Variants in TENM2 observed in about 807,000 individuals in gnomAD.
TENM2 encodes the protein teneurin-2.
Under a neutral mutation model 245.2 loss-of-function variants are expected in TENM2, and 52 were observed. The observed-to-expected ratio is 0.21, with a 90% CI of 0.17 to 0.27. TENM2 has a LOEUF of 0.27. Ranked by LOEUF, TENM2 falls within the 10% of genes least tolerant of loss-of-function variation. The pLI, the probability that TENM2 is intolerant of heterozygous loss-of-function variation, is 1.00. For missense variants in TENM2, 3,046 were observed against 3,666.8 expected (o/e 0.83, Z 4.37); for synonymous variants, 1,363 against 1,438.9 (o/e 0.95, Z 1.19).
the TENM2 span, among the ~76,000 whole-genome samples, chr5:167,210,820 C>T: frequency 2.6e-5 from 4 of 152,166 alleles, no homozygotes; most frequent in African/African-American, 9.7e-5. Flanking sequence ...TTTAAGCATA[C>T]AGTTCACACT....
chr5:167,734,490 T>G (rs1450680373), intron 2 of TENM2, among the ~76,000 whole-genome samples: 1 of 148,422 alleles, frequency 6.7e-6, no homozygotes, highest in African/African-American at 2.4e-5. Flanking sequence ...ATATGCAATA[T>G]ATTATATATA....
intron 2 of TENM2, among the ~76,000 whole-genome samples, chr5:167,797,430 T>C (rs966519879): frequency 3.9e-5 from 6 of 152,200 alleles, no homozygotes; most frequent in Non-Finnish European, 7.3e-5. Flanking sequence ...GGGAACTTCT[T>C]GTTTAGAAAT....
rs78905323 is a variant in TENM2, at chr5:167,638,921, A to T, written c.503-237065A>T. On this transcript the variant is annotated intron_variant, in intron 2 of 28. Transcript: ENST00000518659. ...AATACTCCTTGCTCACATCACTGGCACTGGGCTAACACTTGTCTCTCAGAA... is the reference window on the plus strand; with the variant it reads ...AATACTCCTTGCTCACATCACTGGCTCTGGGCTAACACTTGTCTCTCAGAA... 2.9e-3 allele frequency among the ~76,000 whole-genome samples: 447 copies of T among 152,356 alleles called. 3 individuals carry two copies. Among genetic ancestry groups the T allele is most frequent in the African/African-American group, 0.01 (421 of 41,584 alleles).
intron 2 of TENM2, among the ~76,000 whole-genome samples, chr5:167,388,572 T>G (rs1181387303): frequency 6.6e-6 from 1 of 152,082 alleles, no homozygotes. Context: ...TTTGTTTCTC[T>G]AGTTCCTTGA....
the TENM2 span, among the ~76,000 whole-genome samples, chr5:167,049,233 C>A: frequency 6.6e-6 from 1 of 152,164 alleles, no homozygotes; most frequent in Non-Finnish European, 1.5e-5. Flanking sequence ...CTACACAGAT[C>A]CATAGAAACA....
the TENM2 span, among the ~76,000 whole-genome samples, chr5:167,257,490 TAAG>T: frequency 6.6e-6 from 1 of 151,864 alleles, no homozygotes; most frequent in African/African-American, 2.4e-5. Context: ...ACAAGAATGA[TAAG>T]AATAAATCAT....
intron 4 of TENM2, among the ~76,000 whole-genome samples, chr5:167,972,141 C>T (rs896396410): frequency 5.3e-5 from 8 of 152,186 alleles, no homozygotes; most frequent in African/African-American, 1.9e-4. Context: ...GTAGAATGTA[C>T]ACATTCTCTT....
chr5:168,087,617 A>G (rs889018654), intron 7 of TENM2, among the ~76,000 whole-genome samples: 2 of 151,870 alleles, frequency 1.3e-5, no homozygotes, highest in African/African-American at 4.8e-5. Flanking sequence ...TCAAAAAAAA[A>G]AAAAAGAAAG....
At chr5:167,719,461 G>A (rs1239207695) in intron 2 of TENM2, among the ~76,000 whole-genome samples, 5 of 152,170 alleles carry the variant, frequency 3.3e-5, no homozygotes, top group Non-Finnish European at 5.9e-5. Flanking sequence ...AGGAAGCTTC[G>A]AACAGCTGGA....
chr5:168,028,985 C>G (rs558997388), intron 5 of TENM2, among the ~76,000 whole-genome samples: 1 of 152,252 alleles, frequency 6.6e-6, no homozygotes, highest in South Asian at 2.1e-4. Flanking sequence ...TTAATTTGGC[C>G]AGGCTGCTAT....
the TENM2 span, among the ~76,000 whole-genome samples, chr5:167,124,426 A>T: frequency 1.3e-5 from 2 of 152,206 alleles, no homozygotes; most frequent in African/African-American, 2.4e-5. Context: ...TTGCAGATTA[A>T]AATTGATATA....
At chr5:167,879,523 A>G (rs1773701092) in intron 3 of TENM2, among the ~76,000 whole-genome samples, 1 of 152,218 alleles carries the variant, frequency 6.6e-6, no homozygotes, top group Admixed American at 6.5e-5. Context: ...CAGCAGCATA[A>G]TGGAGGCCCC....
intron 2 of TENM2, among the ~76,000 whole-genome samples, chr5:167,381,939 A>G (rs1201784251): frequency 6.6e-6 from 1 of 152,192 alleles, no homozygotes; most frequent in African/African-American, 2.4e-5. Flanking sequence ...AAATTAAATC[A>G]AATTACAATC....
intron 3 of TENM2, among the ~76,000 whole-genome samples, chr5:167,922,325 T>C (rs1470267578): frequency 6.6e-6 from 1 of 152,178 alleles, no homozygotes; most frequent in Non-Finnish European, 1.5e-5. Flanking sequence ...CATCAGTAGC[T>C]GGGTCTTGAG....
chr5:166,981,749 A>G, the TENM2 span, among the ~76,000 whole-genome samples: 1 of 151,912 alleles, frequency 6.6e-6, no homozygotes, highest in Non-Finnish European at 1.5e-5. Context: ...TTTAAAGAAC[A>G]TTTTTTTCCT....
At chr5:168,081,288 G>C (rs953331302) in intron 7 of TENM2, among the ~76,000 whole-genome samples, 1 of 152,076 alleles carries the variant, frequency 6.6e-6, no homozygotes, top group Non-Finnish European at 1.5e-5. Flanking sequence ...TTTCTTGGTA[G>C]ATCTTCCTCC....
intron 5 of TENM2, among the ~76,000 whole-genome samples, chr5:168,042,706 T>C (rs998585409): frequency 6.6e-6 from 1 of 152,110 alleles, no homozygotes; most frequent in Admixed American, 6.6e-5. Flanking sequence ...TAAGAAAATA[T>C]CACACCCTCA....
intron 2 of TENM2, among the ~76,000 whole-genome samples, chr5:167,541,638 G>A (rs1772219092): frequency 6.6e-6 from 1 of 152,074 alleles, no homozygotes; most frequent in Admixed American, 6.6e-5. Flanking sequence ...AATTCAAATT[G>A]CTTTAAGTGT....
At chr5:167,198,869 C>T in the TENM2 span, among the ~76,000 whole-genome samples, 1 of 151,906 alleles carries the variant, frequency 6.6e-6, no homozygotes, top group Non-Finnish European at 1.5e-5. Context: ...AAGGGGGGAT[C>T]GATTTCAGTG....
Sources: gnomAD v4.1 joint callset for allele counts (sites outside exome capture counted in the v4.1 genomes callset) on GRCh38, gnomAD v4.1.1 for gene constraint, MANE v1.5 for transcripts, NCBI Gene and HGNC (gene_info 2026-07-23, HGNC 2026-07-21) for gene names.